Variants in FRMPD4 observed in about 807,000 individuals in gnomAD.
FRMPD4 encodes the protein FERM and PDZ domain containing 4, also known as FERM and PDZ domain-containing protein 4.
A neutral mutation model predicts 94.1 loss-of-function variants in FRMPD4; 22 were observed. That is an observed-to-expected ratio of 0.23 (90% confidence interval 0.17 to 0.33). The LOEUF (loss-of-function observed/expected upper bound fraction) is 0.33. Ranked by LOEUF, FRMPD4 falls within the 10% of genes least tolerant of loss-of-function variation. The pLI is 1.00. For missense variants in FRMPD4, 1,111 were observed against 1,339.9 expected, an observed-to-expected ratio of 0.83 and a Z score of 2.67; for synonymous variants, 631 against 548.6, an observed-to-expected ratio of 1.15 and a Z score of -2.10.
chrX:11,872,431 T>C (rs2053760639), intron 2 of FRMPD4, among the ~76,000 whole-genome samples: 2 of 112,597 alleles, frequency 1.8e-5, no homozygotes, highest in Middle Eastern at 4.6e-3. Context: ...TCAGGAAGGC[T>C]GAAAGGGAGG....
chrX:11,971,750 A>G (rs1353619814), intron 3 of FRMPD4, among the ~76,000 whole-genome samples: 1 of 112,331 alleles, frequency 8.9e-6, no homozygotes, highest in Non-Finnish European at 1.9e-5. Context: ...TCCCAGTGTT[A>G]GATACCAAGA....
intron 1 of FRMPD4, among the ~76,000 whole-genome samples, chrX:12,488,019 G>C (rs1281025282): frequency 8.9e-6 from 1 of 111,970 alleles, no homozygotes; most frequent in Non-Finnish European, 1.9e-5. Flanking sequence ...TCTAACTCTG[G>C]GGAAGGAAGC....
At chrX:12,505,935 A>G (rs1440088253) in intron 2 of FRMPD4, among the ~76,000 whole-genome samples, 1 of 111,576 alleles carries the variant, frequency 9.0e-6, no homozygotes, top group African/African-American at 3.3e-5. Flanking sequence ...GGATGATAAG[A>G]GATCACACTA....
rs188997566 is a variant in FRMPD4, at chrX:11,883,308, C to T, written c.95+5290C>T. On this transcript the variant is annotated intron_variant, in intron 3 of 18. Coordinates refer to the FRMPD4 transcript ENST00000640291. The stretch of plus-strand genomic sequence containing the variant: ...CATTGGTTGAATAATCTATTTCTTT[C>T]ACCTCAGTTCTCAATGATTTGCCAT... Among the ~76,000 whole-genome samples, 10 of 112,060 alleles carry T rather than the reference C, an allele frequency of 8.9e-5. No individual in the cohort carries two copies. The Admixed American group carries it at 9.5e-4, about 11-fold the overall frequency.
chrX:11,852,722 T>A (rs918858468), intron 1 of FRMPD4, among the ~76,000 whole-genome samples: 5 of 111,438 alleles, frequency 4.5e-5, no homozygotes. Flanking sequence ...CCTAAATATA[T>A]AAGCATCCAA....
rs148106916 is a variant in FRMPD4 at position 12,589,507 on chromosome X, C to T, written c.159-20214C>T. Among the ~76,000 whole-genome samples, 716 of 111,603 alleles carry T rather than the reference C, an allele frequency of 6.4e-3. 7 individuals carry two copies. Among genetic ancestry groups the T allele is most frequent in the African/African-American group, 0.022 (682 of 30,772 alleles). On this transcript the variant is annotated intron_variant, in intron 2 of 16. Transcript: ENST00000675598. ...AGAAAAGGTTTATCTTTTCATGTGG[C>T]ATGGGTAAGATTAAAAATATTAGCA...
chrX:12,240,388 G>A (rs1043925193), intron 1 of FRMPD4, among the ~76,000 whole-genome samples: 6 of 112,172 alleles, frequency 5.3e-5, no homozygotes, highest in African/African-American at 2.0e-4. Flanking sequence ...CTATAAGGGA[G>A]GCCGGTAAAT....
intron 1 of FRMPD4, among the ~76,000 whole-genome samples, chrX:12,420,499 C>T (rs1486024643): frequency 8.9e-6 from 1 of 111,986 alleles, no homozygotes; most frequent in Non-Finnish European, 1.9e-5. Flanking sequence ...TCTCTCATCA[C>T]CTGCCCTCCC....
At chrX:12,178,110 A>G (rs1601664486) in intron 1 of FRMPD4, among the ~76,000 whole-genome samples, 2 of 111,009 alleles carry the variant, frequency 1.8e-5, no homozygotes, top group Non-Finnish European at 1.9e-5. Flanking sequence ...TGGAATTAGT[A>G]CTTTTATAAA....
intron 14 of FRMPD4, among the ~76,000 whole-genome samples, chrX:12,711,352 A>G: frequency 2.7e-5 from 3 of 111,947 alleles, no homozygotes; most frequent in Middle Eastern, 4.6e-3. Context: ...ACTTGGGAAC[A>G]CTAGAAGAAA....
At chrX:12,389,333 G>C (rs1240822629) in intron 1 of FRMPD4, among the ~76,000 whole-genome samples, 1 of 109,641 alleles carries the variant, frequency 9.1e-6, no homozygotes, top group Non-Finnish European at 1.9e-5. Flanking sequence ...AAATTAGCCA[G>C]GCGTGATGGT....
chrX:12,377,787 G>A (rs955761813), intron 1 of FRMPD4, among the ~76,000 whole-genome samples: 17 of 112,725 alleles, frequency 1.5e-4, no homozygotes, highest in Non-Finnish European at 2.4e-4. Flanking sequence ...GCAGTGAAAT[G>A]TAAGCTAGCC....
At chrX:12,167,147 G>A (rs1161658290) in intron 1 of FRMPD4, among the ~76,000 whole-genome samples, 1 of 110,868 alleles carries the variant, frequency 9.0e-6, no homozygotes, top group African/African-American at 3.3e-5. Flanking sequence ...GTGATGTTAG[G>A]GTCTTGATTT....
intron 3 of FRMPD4, among the ~76,000 whole-genome samples, chrX:12,109,250 G>T (rs1403002247): frequency 1.8e-5 from 2 of 111,982 alleles, no homozygotes; most frequent in African/African-American, 6.5e-5. Context: ...AATCAAACTA[G>T]AACTCAGGAT....
chrX:12,509,842 G>A (rs1363260939), intron 2 of FRMPD4, among the ~76,000 whole-genome samples: 1 of 112,226 alleles, frequency 8.9e-6, no homozygotes, highest in Admixed American at 9.4e-5. Context: ...AGTTAGTGTG[G>A]CTGTTTATCA....
At chrX:12,578,868 G>A (rs2058837556) in intron 2 of FRMPD4, among the ~76,000 whole-genome samples, 1 of 112,026 alleles carries the variant, frequency 8.9e-6, no homozygotes, top group Non-Finnish European at 1.9e-5. Flanking sequence ...ATGTATGCAT[G>A]TGTGTGTCAC....
chrX:12,636,845 G>A (rs1330101624), intron 4 of FRMPD4, among the ~76,000 whole-genome samples: 2 of 111,587 alleles, frequency 1.8e-5, no homozygotes, highest in Admixed American at 1.9e-4. Context: ...CTTATCTTTG[G>A]TAATGGGAGC....
chrX:12,018,075 C>T (rs2054613264), intron 3 of FRMPD4, among the ~76,000 whole-genome samples: 1 of 110,711 alleles, frequency 9.0e-6, no homozygotes, highest in Admixed American at 9.6e-5. Flanking sequence ...ACCATACAAA[C>T]TATACCACTT....
Position 12,556,839 on chromosome X carries a change from G to A in FRMPD4, c.159-52882G>A, listed in dbSNP as rs760001697. 8.9e-5 allele frequency among the ~76,000 whole-genome samples: 7 copies of A among 78,276 alleles called. No individual in the cohort carries two copies. In the East Asian group the frequency reaches 2.5e-3, roughly 28 times the overall value. The allele number at this position is 78,276 out of a possible 115,157, so 68.0% of individuals were successfully genotyped here. A position where few individuals can be genotyped will look rare whatever the true frequency, so the allele number is the denominator to read the frequency against. ...ACAAAAGACAAATTAATAAGAGAAA[G>A]GGTATACAAGTTTGTTTGTTTATTT... On this transcript the variant is annotated intron_variant, in intron 2 of 16. Coordinates refer to ENST00000675598, the MANE Select transcript of FRMPD4 (RefSeq NM_001368397.1).
Sources: gnomAD v4.1 joint callset for allele counts (sites outside exome capture counted in the v4.1 genomes callset) on GRCh38, gnomAD v4.1.1 for gene constraint, MANE v1.5 for transcripts, NCBI Gene and HGNC (gene_info 2026-07-23, HGNC 2026-07-21) for gene names.